Variants in CACNA1A observed in about 807,000 individuals in gnomAD.
The protein encoded by CACNA1A is calcium voltage-gated channel subunit alpha1 A, also known as voltage-dependent P/Q-type calcium channel subunit alpha-1A.
In CACNA1A, 57 loss-of-function variants were observed where a neutral mutation model predicts 262.4. That is an observed-to-expected ratio of 0.22 (90% CI 0.18 to 0.27). CACNA1A has a LOEUF of 0.27. CACNA1A is among the 10% of genes least tolerant of loss of function. The pLI is 1.00. For missense variants in CACNA1A, 2,526 were observed against 3,562.8 expected (o/e 0.71, Z 7.41); for synonymous variants, 1,431 against 1,419.3 (o/e 1.01, Z -0.18).
chr19:13,413,356 T>C (rs1220597618), intron 3 of CACNA1A, among the ~76,000 whole-genome samples: 1 of 151,188 alleles, frequency 6.6e-6, no homozygotes, highest in East Asian at 2.0e-4. Flanking sequence ...TCCGCCCGCC[T>C]TGGCCTCCCA....
intron 30 of CACNA1A, among the ~76,000 whole-genome samples, chr19:13,247,601 G>A (rs2056276072): frequency 6.6e-6 from 1 of 151,648 alleles, no homozygotes; most frequent in South Asian, 2.1e-4. Flanking sequence ...TCCGGAGGCT[G>A]AGGCAGGAGA....
chr19:13,353,671 T>G (rs544904081), intron 6 of CACNA1A, among the ~76,000 whole-genome samples: 1 of 152,338 alleles, frequency 6.6e-6, no homozygotes, highest in South Asian at 2.1e-4. Context: ...CTTAGATTTC[T>G]TCAAAAGGCA....
At chr19:13,227,756 ATTACT>A (rs899944357) in intron 36 of CACNA1A, 21 of 299,772 alleles carry the variant, frequency 7.0e-5, no homozygotes, top group Admixed American at 3.0e-4. Flanking sequence ...GTAAAAAAAG[ATTACT>A]TCACTGCTCG....
chr19:13,500,665 T>A (rs1412379737), intron 1 of CACNA1A, among the ~76,000 whole-genome samples: 1 of 152,070 alleles, frequency 6.6e-6, no homozygotes, highest in African/African-American at 2.4e-5. Context: ...ACCACACAAC[T>A]CAGCAATCTC....
chr19:13,296,139 G>T (rs1157609471), intron 19 of CACNA1A, among the ~76,000 whole-genome samples: 1 of 152,190 alleles, frequency 6.6e-6, no homozygotes, highest in African/African-American at 2.4e-5. Flanking sequence ...TGGACCAGTA[G>T]TATCAGCCTC....
Position 13,209,003 on chromosome 19 carries a change from C to G in CACNA1A, c.6533G>C (p.Gly2178Ala). Residue 2178 changes from glycine to alanine, a missense_variant, in exon 46 of 47, where the codon GGG becomes GCG. Physicochemically the swap from Gly to Ala is moderately conservative, Grantham distance 60. Transcript: ENST00000360228. ...TTGGGTGGTCATGCTCAGGTCTGTC[C>G]CCAAGCCTGGGCCGGGTGAGGGTCA... The part of the protein sequence containing the change: ...GRYTDVDTGL[G>A]TDLSMTTQSG... 3.9e-6 allele frequency: 6 copies of G among 1,537,104 alleles called. No homozygotes were observed. The highest frequency in any genetic ancestry group is 5.2e-6 in the Non-Finnish European group (6 of 1,146,878).
chr19:13,499,131 G>A (rs1399726888), intron 1 of CACNA1A, among the ~76,000 whole-genome samples: 1 of 152,044 alleles, frequency 6.6e-6, no homozygotes, highest in East Asian at 1.9e-4. Context: ...GTGGACACCT[G>A]GGGTGGCCAT....
At chr19:13,317,447 G>A (rs2058150467) in intron 10 of CACNA1A, 126 bp from the exon 11 acceptor site, 1 of 729,942 alleles carries the variant, frequency 1.4e-6, no homozygotes, top group African/African-American at 1.8e-5. Flanking sequence ...CCTCTGGCCT[G>A]AGGGAACCAT....
At chr19:13,323,740 G>A (rs951658031) in intron 10 of CACNA1A, among the ~76,000 whole-genome samples, 1 of 152,038 alleles carries the variant, frequency 6.6e-6, no homozygotes, top group African/African-American at 2.4e-5. Flanking sequence ...TCTGCTGAAC[G>A]CTTCCTTTGC....
intron 3 of CACNA1A, among the ~76,000 whole-genome samples, chr19:13,407,908 T>C (rs2060040850): frequency 6.6e-6 from 1 of 152,044 alleles, no homozygotes; most frequent in Non-Finnish European, 1.5e-5. Context: ...GGGAGCAGAT[T>C]TCCCCCTTGC....
intron 10 of CACNA1A, among the ~76,000 whole-genome samples, chr19:13,325,098 CTCT>C (rs2058333424): frequency 6.9e-6 from 1 of 145,136 alleles, no homozygotes; most frequent in Non-Finnish European, 1.5e-5. Flanking sequence ...CCCCTTCCTC[CTCT>C]TCTTCTTCCC....
intron 3 of CACNA1A, among the ~76,000 whole-genome samples, chr19:13,440,553 T>C (rs1401879290): frequency 6.6e-6 from 1 of 152,214 alleles, no homozygotes; most frequent in Admixed American, 6.5e-5. Context: ...GCTAATATAA[T>C]TGAGCACTTA....
At chr19:13,330,782 G>A (rs1169335653) in intron 9 of CACNA1A, among the ~76,000 whole-genome samples, 5 of 152,144 alleles carry the variant, frequency 3.3e-5, no homozygotes, top group African/African-American at 1.2e-4. Context: ...GTAGAGATGG[G>A]GTTTTGCCAT....
intron 1 of CACNA1A, among the ~76,000 whole-genome samples, chr19:13,478,947 G>C (rs1054249483): frequency 6.6e-6 from 1 of 152,206 alleles, no homozygotes; most frequent in African/African-American, 2.4e-5. Context: ...GCTGAGGTGG[G>C]TGGATCACCT....
intron 3 of CACNA1A, among the ~76,000 whole-genome samples, chr19:13,429,774 C>A (rs34684360): frequency 6.6e-6 from 1 of 151,142 alleles, no homozygotes; most frequent in East Asian, 1.9e-4. Flanking sequence ...CAATGGAATA[C>A]GATTCGGCCT....
intron 1 of CACNA1A, among the ~76,000 whole-genome samples, chr19:13,476,790 A>G (rs1978597926): frequency 6.6e-6 from 1 of 152,172 alleles, no homozygotes; most frequent in Admixed American, 6.5e-5. Context: ...TTATCTCCAC[A>G]GACAACAACC....
intron 3 of CACNA1A, among the ~76,000 whole-genome samples, chr19:13,431,973 T>C (rs768638831): frequency 6.6e-6 from 1 of 150,942 alleles, no homozygotes; most frequent in Non-Finnish European, 1.5e-5. Flanking sequence ...GGCGTGGTGG[T>C]GCACACCTCT....
intron 38 of CACNA1A, among the ~76,000 whole-genome samples, chr19:13,223,744 C>G (rs548222612): frequency 3.4e-4 from 52 of 152,298 alleles, no homozygotes; most frequent in Non-Finnish European, 6.5e-4. Context: ...GGAGCACCTT[C>G]CCCCCAGGGA....
chr19:13,505,938 T>A lies in CACNA1A; in HGVS notation c.287A>T (p.Glu96Val). Reference protein sequence around the residue: ...VVRKYAKKITEWPPFEYMILA... With the variant: ...VVRKYAKKITVWPPFEYMILA... The stretch of plus-strand genomic sequence containing the variant: ...GGTTCGGGCAAAAGGATATGGCCAT[T>A]CGGTGATCTTTTTGGCGTATTTTCT... The change falls in exon 1 of 47, where the codon GAA becomes GTA. Residue 96 changes from glutamate (E) to valine (V), a missense_variant. This residue lies in a region of CACNA1A where 77 missense variants were observed against 228.4 expected (regional missense o/e 0.34). Coordinates refer to ENST00000360228, the MANE Select transcript of CACNA1A (RefSeq NM_001127222.2). 6.2e-7 allele frequency: 1 copy of A among 1,612,854 alleles called. No homozygotes were observed. Among genetic ancestry groups the A allele is most frequent in the Non-Finnish European group, 8.5e-7 (1 of 1,179,502 alleles).
Sources: allele counts gnomAD v4.1 joint callset (sites outside exome capture counted in the v4.1 genomes callset), GRCh38; gene constraint gnomAD v4.1.1; regional missense constraint gnomAD v4.1.1; transcripts MANE v1.5; gene names NCBI Gene and HGNC (gene_info 2026-07-23, HGNC 2026-07-21).